The following ADGRV1 variants were observed in gnomAD, a reference collection of about 807,000 sequenced individuals.
ADGRV1 encodes G-protein coupled receptor 98.
A neutral mutation model predicts 596.2 loss-of-function variants in ADGRV1; 359 were observed. The ratio of observed to expected loss-of-function variants is 0.60; its 90% confidence interval spans 0.55 to 0.66. The LOEUF (loss-of-function observed/expected upper bound fraction) is 0.66, where lower values mean the gene tolerates loss of function less well. Among genes scored for constraint, ADGRV1 ranks in the 30% least tolerant of loss-of-function variants. The pLI is 0.00. For missense variants in ADGRV1, 7,274 were observed against 7,575.6 expected (o/e 0.96, Z 1.48); for synonymous variants, 2,681 against 2,679.2 (o/e 1.00, Z -0.02).
chr5:91,006,564 T>C (rs948401806), intron 85 of ADGRV1, among the ~76,000 whole-genome samples: 12 of 152,294 alleles, frequency 7.9e-5, no homozygotes, highest in African/African-American at 2.9e-4. Context: ...GAAACCTGAA[T>C]GATAGATAAG....
chr5:90,749,374 G>A (rs1007836617), intron 52 of ADGRV1, among the ~76,000 whole-genome samples: 2 of 152,162 alleles, frequency 1.3e-5, no homozygotes, highest in Non-Finnish European at 2.9e-5. Flanking sequence ...GCCAGAGAGA[G>A]CTGGCTTTTT....
At chr5:90,588,807 T>G (rs989576410) in intron 1 of ADGRV1, among the ~76,000 whole-genome samples, 7 of 152,182 alleles carry the variant, frequency 4.6e-5, no homozygotes, top group Non-Finnish European at 1.0e-4. Flanking sequence ...GCGGGGGATA[T>G]TTAGAGTGGG....
chr5:90,714,707 A>C (rs1299692868), intron 42 of ADGRV1, among the ~76,000 whole-genome samples: 1 of 152,112 alleles, frequency 6.6e-6, no homozygotes, highest in Non-Finnish European at 1.5e-5. Flanking sequence ...AGAATGAAAC[A>C]TCCATTAGCC....
At chr5:90,961,228 C>T (rs763782051) in intron 83 of ADGRV1, among the ~76,000 whole-genome samples, 5 of 152,062 alleles carry the variant, frequency 3.3e-5, no homozygotes, top group African/African-American at 4.8e-5. Context: ...TGGCCGCGCG[C>T]AGCGGTTCAC....
chr5:90,620,525 A>G (rs899929941), intron 4 of ADGRV1, among the ~76,000 whole-genome samples: 13 of 152,078 alleles, frequency 8.5e-5, no homozygotes, highest in Non-Finnish European at 1.8e-4. Context: ...AGATTGCAAA[A>G]CTTTTCTCCC....
At chr5:90,859,191 T>C (rs1264212321) in intron 82 of ADGRV1, among the ~76,000 whole-genome samples, 1 of 152,090 alleles carries the variant, frequency 6.6e-6, no homozygotes, top group African/African-American at 2.4e-5. Context: ...CTCAGGCTGG[T>C]CTCTAAAACT....
chr5:91,087,295 G>GT (rs1401140116), intron 86 of ADGRV1, among the ~76,000 whole-genome samples: 1 of 150,368 alleles, frequency 6.7e-6, no homozygotes, highest in African/African-American at 2.4e-5. Context: ...TTTTGTTGTT[G>GT]TTTTTTGTTT....
At chr5:91,020,809 A>C (rs777556823) in intron 85 of ADGRV1, among the ~76,000 whole-genome samples, 1 of 152,074 alleles carries the variant, frequency 6.6e-6, no homozygotes, top group African/African-American at 2.4e-5. Flanking sequence ...TATTAAGCCT[A>C]CTGAACACCA....
intron 78 of ADGRV1, among the ~76,000 whole-genome samples, chr5:90,845,091 G>A (rs1428818589): frequency 6.6e-6 from 1 of 152,150 alleles, no homozygotes; most frequent in Non-Finnish European, 1.5e-5. Context: ...TCTGTGAACT[G>A]AGTCAGTCCA....
intron 83 of ADGRV1, among the ~76,000 whole-genome samples, chr5:90,954,585 A>G (rs1777316686): frequency 6.6e-6 from 1 of 152,170 alleles, no homozygotes; most frequent in African/African-American, 2.4e-5. Context: ...TGCATTATCT[A>G]TAAACATAAA....
At chr5:90,878,919 G>A (rs1769478093) in intron 83 of ADGRV1, among the ~76,000 whole-genome samples, 1 of 152,174 alleles carries the variant, frequency 6.6e-6, no homozygotes, top group South Asian at 2.1e-4. Flanking sequence ...CTCCTTCTGT[G>A]GACAGACTGG....
chr5:90,876,750 T>G (rs1009027888), intron 83 of ADGRV1, among the ~76,000 whole-genome samples: 3 of 152,160 alleles, frequency 2.0e-5, no homozygotes, highest in African/African-American at 7.2e-5. Flanking sequence ...AAAAATCTAT[T>G]CTCCAGGTAA....
At position 90,666,131 on chromosome 5, in the gene ADGRV1, C is replaced by T. The variant is rs565594979; in HGVS notation, c.4753-6415C>T. On this transcript the variant is annotated intron_variant, in intron 21 of 89. Coordinates refer to ENST00000405460, the MANE Select transcript of ADGRV1 (RefSeq NM_032119.4). ...GAGTTCTGTAGATGTCTATTAGGTC[C>T]GCTTGGTGCAGAGCTGAGTTCAATT... Among the ~76,000 whole-genome samples, 851 of 150,194 alleles carry T rather than the reference C, an allele frequency of 5.7e-3. 4 individuals are homozygous for T. The highest frequency in any genetic ancestry group is 0.018 in the African/African-American group (752 of 40,702).
At chr5:90,871,984 G>A (rs926795090) in intron 83 of ADGRV1, among the ~76,000 whole-genome samples, 2 of 152,172 alleles carry the variant, frequency 1.3e-5, no homozygotes, top group Admixed American at 1.3e-4. Flanking sequence ...CAGAAGAGGA[G>A]GGCAAGGAGG....
At chr5:91,135,799 AG>A (rs1178493993) in intron 87 of ADGRV1, among the ~76,000 whole-genome samples, 15 of 152,314 alleles carry the variant, frequency 9.8e-5, no homozygotes, top group African/African-American at 3.6e-4. Flanking sequence ...ATGTGACATT[AG>A]GGTAGAGCAT....
Position 90,745,709 on chromosome 5 carries a change from G to C in ADGRV1, c.10888G>C (p.Gly3630Arg). The stretch of plus-strand genomic sequence containing the variant: ...CAAAGTTCAACTTAAAAATCCCAAA[G>C]GAGGAGCAGAGATTGGCATTAATGA... ...SFKVQLKNPK[G>R]GAEIGINDSV... is the part of the protein sequence containing the mutation. The change falls in exon 52 of 90, where the codon GGA becomes CGA. Residue 3630 changes from glycine (G) to arginine (R), a missense_variant. Gly to Arg is a moderately radical substitution (Grantham distance 125). Coordinates refer to ENST00000405460, the MANE Select transcript of ADGRV1 (RefSeq NM_032119.4). 1 of 1,612,164 alleles carries C rather than the reference G, an allele frequency of 6.2e-7. No individual in the cohort carries two copies. The highest frequency in any genetic ancestry group is 8.5e-7 in the Non-Finnish European group (1 of 1,178,590).
intron 75 of ADGRV1, among the ~76,000 whole-genome samples, chr5:90,818,626 G>C (rs977062451): frequency 3.1e-4 from 47 of 151,204 alleles, no homozygotes; most frequent in Middle Eastern, 6.8e-3. Flanking sequence ...TAGCATGAAG[G>C]GTTGTTGAAT....
chr5:91,060,136 T>C (rs1027741195), intron 85 of ADGRV1, among the ~76,000 whole-genome samples: 2 of 152,228 alleles, frequency 1.3e-5, no homozygotes, highest in African/African-American at 4.8e-5. Flanking sequence ...ATGATGGACA[T>C]ATAACCTCAT....
intron 76 of ADGRV1, 112 bp downstream of exon 76, chr5:90,823,708 G>T (rs1763816696): frequency 2.2e-6 from 2 of 918,476 alleles, no homozygotes; most frequent in Non-Finnish European, 3.2e-6. Flanking sequence ...GATTCTTTGT[G>T]TTTTTCTTAG....
Sources: gnomAD v4.1 joint callset for allele counts (sites outside exome capture counted in the v4.1 genomes callset) on GRCh38, gnomAD v4.1.1 for gene constraint, MANE v1.5 for transcripts, NCBI Gene and HGNC (gene_info 2026-07-23, HGNC 2026-07-21) for gene names.